MYRIP: variants seen among roughly 807,000 people sequenced by gnomAD.
MYRIP encodes the protein rab effector MyRIP.
In MYRIP, 49 loss-of-function variants were observed where a neutral mutation model predicts 98.0. The observed-to-expected ratio is 0.50, with a 90% CI of 0.40 to 0.63. MYRIP has a LOEUF of 0.63. Ranked by LOEUF, MYRIP falls within the 30% of genes least tolerant of loss-of-function variation. The pLI, the probability that MYRIP is intolerant of heterozygous loss-of-function variation, is 0.00. For missense variants in MYRIP, 1,004 were observed against 1,058.2 expected (o/e 0.95, Z 0.71); for synonymous variants, 404 against 409.5 (o/e 0.99, Z 0.16).
At chr3:39,975,833 A>C (rs1945736146) in intron 2 of MYRIP, among the ~76,000 whole-genome samples, 2 of 152,168 alleles carry the variant, frequency 1.3e-5, no homozygotes, top group East Asian at 3.8e-4. Flanking sequence ...TGCTGGGAAA[A>C]CTGGCTAGCC....
chr3:40,244,353 C>A, intron 12 of MYRIP, 93 bp from the exon 13 acceptor site: 1 of 1,143,004 alleles, frequency 8.7e-7, no homozygotes, highest in Non-Finnish European at 1.2e-6. Flanking sequence ...GTCCAGTTAT[C>A]TCACTCCCCT....
chr3:39,855,885 A>C (rs1435340428), intron 1 of MYRIP, among the ~76,000 whole-genome samples: 3 of 151,754 alleles, frequency 2.0e-5, no homozygotes, highest in African/African-American at 4.8e-5. Context: ...CAGTTGGGAG[A>C]TTTTTCACCC....
intron 7 of MYRIP, among the ~76,000 whole-genome samples, chr3:40,169,072 G>T (rs992300570): frequency 3.9e-5 from 6 of 152,108 alleles, no homozygotes; most frequent in African/African-American, 1.4e-4. Flanking sequence ...GCAAACAAAT[G>T]ATCTCCCCCC....
intron 2 of MYRIP, among the ~76,000 whole-genome samples, chr3:39,952,756 C>A (rs1365880070): frequency 6.6e-6 from 1 of 152,046 alleles, no homozygotes; most frequent in African/African-American, 2.4e-5. Flanking sequence ...CTACGAATGC[C>A]TTTGTTTTGC....
At chr3:39,863,332 T>A (rs961909866) in intron 1 of MYRIP, among the ~76,000 whole-genome samples, 2 of 151,568 alleles carry the variant, frequency 1.3e-5, no homozygotes, top group African/African-American at 4.8e-5. Flanking sequence ...ATTTGAGATA[T>A]GAAAAACTAT....
intron 3 of MYRIP, among the ~76,000 whole-genome samples, chr3:40,109,276 C>T (rs1949112474): frequency 6.6e-6 from 1 of 152,200 alleles, no homozygotes; most frequent in African/African-American, 2.4e-5. Context: ...ATCAAACCTA[C>T]ACCTTAAAAC....
rs138617140 is a variant in MYRIP at position 39,917,105 on chromosome 3, T to C, written c.110+16179T>C. ...GTTATTACTTATTCAAAAATTATAA[T>C]CATATACTATATTTTATCCTGTTTT... is the stretch of plus-strand genomic sequence containing the variant. On this transcript the variant is annotated intron_variant, in intron 2 of 16. Coordinates refer to ENST00000302541, the MANE Select transcript of MYRIP (RefSeq NM_015460.4). 5.8e-3 allele frequency among the ~76,000 whole-genome samples: 883 copies of C among 152,246 alleles called. 7 individuals carry two copies. Among genetic ancestry groups the C allele is most frequent in the African/African-American group, 0.02 (841 of 41,554 alleles).
At chr3:39,884,809 A>ATTT (rs67108421) in intron 1 of MYRIP, among the ~76,000 whole-genome samples, 66 of 139,258 alleles carry the variant, frequency 4.7e-4, no homozygotes, top group Middle Eastern at 7.1e-3. Flanking sequence ...AGTCATTATT[A>ATTT]TTTTTTTTTT....
chr3:40,207,615 C>A (rs73827397), intron 10 of MYRIP, among the ~76,000 whole-genome samples: 220 of 152,232 alleles, frequency 1.4e-3, no homozygotes, highest in African/African-American at 5.1e-3. Context: ...GATACACAAA[C>A]AAAGTATGAA....
chr3:40,060,761 TTG>T (rs1367289409), intron 3 of MYRIP, among the ~76,000 whole-genome samples: 2 of 151,974 alleles, frequency 1.3e-5, no homozygotes, highest in Non-Finnish European at 2.9e-5. Flanking sequence ...CCAGCTAATT[TTG>T]TGTGTTTTTA....
At chr3:40,008,515 G>A (rs1349570213) in intron 2 of MYRIP, among the ~76,000 whole-genome samples, 1 of 152,122 alleles carries the variant, frequency 6.6e-6, no homozygotes, top group Non-Finnish European at 1.5e-5. Flanking sequence ...TTCCTCTCCA[G>A]GGAAACAGGA....
At chr3:39,849,897 A>G (rs1026723607) in intron 1 of MYRIP, among the ~76,000 whole-genome samples, 6 of 152,210 alleles carry the variant, frequency 3.9e-5, no homozygotes, top group African/African-American at 1.4e-4. Context: ...TGTTCCTAAA[A>G]TGTCCTCCCT....
At chr3:39,899,821 T>C (rs1187192868) in intron 1 of MYRIP, among the ~76,000 whole-genome samples, 1 of 152,204 alleles carries the variant, frequency 6.6e-6, no homozygotes, top group East Asian at 1.9e-4. Flanking sequence ...ATATGCTTAT[T>C]TGCCATTTCT....
intron 3 of MYRIP, among the ~76,000 whole-genome samples, chr3:40,105,795 G>A (rs1949040537): frequency 6.6e-6 from 1 of 152,050 alleles, no homozygotes; most frequent in African/African-American, 2.4e-5. Flanking sequence ...GAAGGGGCAA[G>A]AACCCCTTAT....
At chr3:39,865,233 G>A (rs1440613131) in intron 1 of MYRIP, among the ~76,000 whole-genome samples, 1 of 152,022 alleles carries the variant, frequency 6.6e-6, no homozygotes, top group Non-Finnish European at 1.5e-5. Context: ...CATTCCACAT[G>A]TATAACCTGG....
chr3:39,928,983 T>A (rs1944481329), intron 2 of MYRIP, among the ~76,000 whole-genome samples: 1 of 151,994 alleles, frequency 6.6e-6, no homozygotes, highest in South Asian at 2.1e-4. Flanking sequence ...TAGTTTTAGA[T>A]CCAAGATAAA....
At chr3:39,925,786 G>A (rs1423961870) in intron 2 of MYRIP, among the ~76,000 whole-genome samples, 1 of 152,062 alleles carries the variant, frequency 6.6e-6, no homozygotes, top group African/African-American at 2.4e-5. Context: ...GTGCTGCAAT[G>A]AACATATGAG....
At chr3:40,170,681 A>T (rs576524703) in intron 8 of MYRIP, among the ~76,000 whole-genome samples, 6 of 152,332 alleles carry the variant, frequency 3.9e-5, no homozygotes, top group African/African-American at 1.4e-4. Context: ...GAGTAAGCCC[A>T]GTTGAGGATA....
intron 1 of MYRIP, among the ~76,000 whole-genome samples, chr3:39,850,975 A>G (rs1450512991): frequency 6.6e-6 from 1 of 152,136 alleles, no homozygotes; most frequent in African/African-American, 2.4e-5. Flanking sequence ...CAGACAGAGA[A>G]AAAAACCCAA....
Sources: allele counts gnomAD v4.1 joint callset (sites outside exome capture counted in the v4.1 genomes callset), GRCh38; gene constraint gnomAD v4.1.1; transcripts MANE v1.5; gene names NCBI Gene and HGNC (gene_info 2026-07-23, HGNC 2026-07-21).